The following SPATA16 variants were observed in gnomAD, a reference collection of about 807,000 sequenced individuals.
SPATA16 encodes spermatogenesis-associated protein 16.
In SPATA16, 36 loss-of-function variants were observed where a neutral mutation model predicts 63.3. The ratio of observed to expected loss-of-function variants is 0.57; its 90% CI spans 0.44 to 0.75. SPATA16 has a LOEUF of 0.75. SPATA16 is among the 30% of genes least tolerant of loss of function. The pLI, the probability that SPATA16 is intolerant of heterozygous loss-of-function variation, is 0.00. For synonymous variants in SPATA16, 203 were observed against 216.7 expected (o/e 0.94, Z 0.56); for missense variants, 646 against 679.3 (o/e 0.95, Z 0.54).
At chr3:172,910,334 C>T (rs928637962) in intron 10 of SPATA16, among the ~76,000 whole-genome samples, 4 of 151,974 alleles carry the variant, frequency 2.6e-5, no homozygotes, top group African/African-American at 7.3e-5. Context: ...CCTCGTGATC[C>T]GCCCGCCTTG....
chr3:172,931,961 G>A (rs1212977351), intron 6 of SPATA16, among the ~76,000 whole-genome samples: 1 of 152,138 alleles, frequency 6.6e-6, no homozygotes, highest in African/African-American at 2.4e-5. Context: ...ACAAAAGATT[G>A]GATTAATGGG....
chr3:172,997,596 AAATTTT>A (rs1275761766), intron 4 of SPATA16, among the ~76,000 whole-genome samples: 26 of 152,136 alleles, frequency 1.7e-4, no homozygotes, highest in African/African-American at 6.0e-4. Context: ...GCAGAGCAGA[AAATTTT>A]AATTTTAATG....
At chr3:173,103,657 C>G (rs1737547823) in intron 2 of SPATA16, among the ~76,000 whole-genome samples, 1 of 152,230 alleles carries the variant, frequency 6.6e-6, no homozygotes, top group Admixed American at 6.5e-5. Context: ...GACATGAAAC[C>G]ATTATTTCCT....
rs1213234961 is a variant in SPATA16, at chr3:173,100,701, C to CAG, written c.612+16418_612+16419insCT. ...ACACACACACACACACACACACACA[C>CAG]ACACACAGAGTAAATTCTTGTTTAT... On this transcript the variant is annotated intron_variant, in intron 2 of 10. Transcript: ENST00000351008. Among the ~76,000 whole-genome samples, 118 of 113,656 alleles carry CAG rather than the reference C, an allele frequency of 1.0e-3. 1 individual carries two copies. Among genetic ancestry groups the CAG allele is most frequent in the Middle Eastern group, 4.5e-3 (1 of 222 alleles). The allele number at this position is 113,656 out of a possible 152,430, so 74.6% of individuals were successfully genotyped here. A position where few individuals can be genotyped will look rare whatever the true frequency, so the allele number is the denominator to read the frequency against.
intron 3 of SPATA16, among the ~76,000 whole-genome samples, chr3:173,044,937 T>A (rs549468942): frequency 2.0e-5 from 3 of 152,244 alleles, no homozygotes; most frequent in African/African-American, 7.2e-5. Context: ...TAGTATGATC[T>A]TTCTGGGGCT....
In SPATA16 at chr3:172,992,835, T is replaced by C. The variant is rs551865587; in HGVS notation, c.849-15783A>G. ...TGGAGCTTGCACCCCTGAGAGACAA[T>C]GCTGTGCTCTGGGAATAAGTGAAGA... On this transcript the variant is annotated intron_variant, in intron 4 of 10. Coordinates refer to ENST00000351008, the MANE Select transcript of SPATA16 (RefSeq NM_031955.6). Among the ~76,000 whole-genome samples the C allele has an allele frequency of 1.6e-4, 25 of 152,256 alleles. No homozygotes were observed. In the South Asian group the frequency reaches 5.2e-3, roughly 32 times the overall value.
intron 2 of SPATA16, among the ~76,000 whole-genome samples, chr3:173,102,731 C>T (rs1737526678): frequency 6.6e-6 from 1 of 152,128 alleles, no homozygotes; most frequent in Admixed American, 6.5e-5. Context: ...CACCTCTGCC[C>T]CCACAAATCT....
intron 2 of SPATA16, among the ~76,000 whole-genome samples, chr3:173,062,384 T>C (rs192325476): frequency 3.5e-4 from 54 of 152,330 alleles, no homozygotes; most frequent in African/African-American, 1.2e-3. Flanking sequence ...ATTTGTATTG[T>C]AAAATAAATA....
intron 6 of SPATA16, among the ~76,000 whole-genome samples, chr3:172,939,555 C>T (rs781232601): frequency 4.6e-5 from 7 of 152,170 alleles, no homozygotes; most frequent in Admixed American, 2.0e-4. Flanking sequence ...AATTTTTTGA[C>T]ACGGAAGCAT....
chr3:173,008,574 C>T (rs964241872), intron 4 of SPATA16, among the ~76,000 whole-genome samples: 3 of 152,038 alleles, frequency 2.0e-5, no homozygotes, highest in Admixed American at 2.0e-4. Context: ...GATCACTCTG[C>T]AAAAACTGGG....
chr3:173,012,422 A>C (rs1323811263), intron 4 of SPATA16, among the ~76,000 whole-genome samples: 1 of 152,232 alleles, frequency 6.6e-6, no homozygotes, highest in East Asian at 1.9e-4. Context: ...CATTGGAAAA[A>C]ATATTCTAAA....
chr3:173,061,502 A>G (rs926563547), intron 2 of SPATA16, among the ~76,000 whole-genome samples: 6 of 152,262 alleles, frequency 3.9e-5, no homozygotes, highest in African/African-American at 1.4e-4. Flanking sequence ...TGGAGGGATG[A>G]GAATTATGCA....
At chr3:172,918,772 A>ATATT (rs1732555047) in intron 8 of SPATA16, among the ~76,000 whole-genome samples, 1 of 152,148 alleles carries the variant, frequency 6.6e-6, no homozygotes. Flanking sequence ...AGAGTGTAAT[A>ATATT]AAGTGGCCAC....
At chr3:173,101,565 C>T (rs1256903071) in intron 2 of SPATA16, among the ~76,000 whole-genome samples, 1 of 152,146 alleles carries the variant, frequency 6.6e-6, no homozygotes. Flanking sequence ...TATTTTCCCT[C>T]ATTTACTAAG....
rs754242031 is a variant in SPATA16 at position 173,097,251 on chromosome 3, TTAAG to T, written c.612+19865_612+19868del. ...CTGTCCAGGCATACAGAGCTTCTGT[TTAAG>T]TAACCCTTATTTTACTTACTTAATG... On this transcript the variant is annotated intron_variant, in intron 2 of 10. Coordinates refer to ENST00000351008, the MANE Select transcript of SPATA16 (RefSeq NM_031955.6). Among the ~76,000 whole-genome samples the T allele has an allele frequency of 3.9e-5, 6 of 152,140 alleles. No individual in the cohort carries two copies. The East Asian group carries it at 9.6e-4, about 24-fold the overall frequency.
At chr3:173,120,672 C>T (rs544493388) in intron 1 of SPATA16, among the ~76,000 whole-genome samples, 2 of 152,098 alleles carry the variant, frequency 1.3e-5, no homozygotes, top group African/African-American at 4.8e-5. Context: ...ATAGCCATTT[C>T]TTCTAGAGCA....
chr3:172,956,663 A>G lies in SPATA16; in HGVS notation c.1081+14T>C. ...CAAAATATCAGCTGATAACTTGAAG[A>G]TATTGAATCTTACCTGTGTACATAT... On this transcript the variant is annotated intron_variant, in intron 6 of 10. Transcript: ENST00000351008. The G allele has an allele frequency of 6.2e-7, 1 of 1,608,462 alleles. No homozygotes were observed. Among genetic ancestry groups the G allele is most frequent in the South Asian group, 1.1e-5 (1 of 90,624 alleles).
Position 173,117,139 on chromosome 3 carries a change from T to G in SPATA16, c.593A>C (p.Gln198Pro). ...CCATACCTCAAGTGCTGTTCTGAACTGTCCTGCTGCCAAGGCGTATTTCTT... is the reference window on the plus strand; with the variant it reads ...CCATACCTCAAGTGCTGTTCTGAACGGTCCTGCTGCCAAGGCGTATTTCTT... The part of the protein sequence containing the change: ...RQKKYALAAG[Q>P]FRTALELCSK... Residue 198 changes from glutamine to proline, a missense_variant, in exon 2 of 11, where the codon CAG (glutamine) becomes CCG (proline). Gln to Pro is a moderately conservative substitution (Grantham distance 76). Coordinates refer to ENST00000351008, the MANE Select transcript of SPATA16 (RefSeq NM_031955.6). 6.2e-7 allele frequency: 1 copy of G among 1,614,134 alleles called. No homozygotes were observed. Among genetic ancestry groups the G allele is most frequent in the Non-Finnish European group, 8.5e-7 (1 of 1,179,972 alleles).
chr3:173,010,124 G>A (rs1560095417), intron 4 of SPATA16, among the ~76,000 whole-genome samples: 2 of 152,168 alleles, frequency 1.3e-5, no homozygotes, highest in Admixed American at 6.5e-5. Context: ...GCATGAATCC[G>A]CAGTAGGTTC....
Sources: allele counts gnomAD v4.1 joint callset (sites outside exome capture counted in the v4.1 genomes callset), GRCh38; gene constraint gnomAD v4.1.1; transcripts MANE v1.5; gene names NCBI Gene and HGNC (gene_info 2026-07-23, HGNC 2026-07-21).